CPA6: variants seen among roughly 807,000 people sequenced by gnomAD.
The protein encoded by CPA6 is carboxypeptidase A6, also known as carboxypeptidase B.
A neutral mutation model predicts 63.3 loss-of-function variants in CPA6; 58 were observed. The observed-to-expected ratio is 0.92, with a 90% CI of 0.74 to 1.14. The LOEUF is 1.14. CPA6 is among the 50% of genes most tolerant of loss of function. The probability of loss-of-function intolerance (pLI) is 0.00; values close to 1 mark genes in which losing one functional copy is unlikely to be tolerated. For synonymous variants in CPA6, 185 were observed against 179.0 expected (o/e 1.03, Z -0.27); for missense variants, 565 against 526.6 (o/e 1.07, Z -0.71).
chr8:67,471,331 T>C (rs1049241879), intron 8 of CPA6, among the ~76,000 whole-genome samples: 16 of 152,242 alleles, frequency 1.1e-4, no homozygotes, highest in African/African-American at 3.4e-4. Context: ...TGACTTTCTT[T>C]GTTTTCTTCA....
intron 1 of CPA6, among the ~76,000 whole-genome samples, chr8:67,643,920 A>G (rs1815652678): frequency 6.6e-6 from 1 of 152,162 alleles, no homozygotes; most frequent in African/African-American, 2.4e-5. Context: ...AAAAAAATAG[A>G]CACTGGCTTG....
chr8:67,728,255 T>A (rs1358451804), intron 1 of CPA6, among the ~76,000 whole-genome samples: 1 of 152,194 alleles, frequency 6.6e-6, no homozygotes, highest in Non-Finnish European at 1.5e-5. Context: ...ACCTCTCCTC[T>A]ATGAAGAAGA....
At chr8:67,475,889 T>TCTC (rs1449567487) in intron 8 of CPA6, among the ~76,000 whole-genome samples, 300 of 54,202 alleles carry the variant, frequency 5.5e-3, no homozygotes, top group Middle Eastern at 0.02. Context: ...CTCCTTTCTT[T>TCTC]CTTTCTTTCT....
At chr8:67,463,620 C>T (rs1351883563) in intron 8 of CPA6, among the ~76,000 whole-genome samples, 2 of 152,074 alleles carry the variant, frequency 1.3e-5, no homozygotes, top group Non-Finnish European at 2.9e-5. Context: ...GATACCGTCC[C>T]CCACATACTG....
chr8:67,466,013 A>G (rs1810916592), intron 8 of CPA6, among the ~76,000 whole-genome samples: 1 of 149,796 alleles, frequency 6.7e-6, no homozygotes, highest in African/African-American at 2.5e-5. Flanking sequence ...TTTTTGGAAT[A>G]GTTTCAGTAG....
intron 1 of CPA6, among the ~76,000 whole-genome samples, chr8:67,726,453 T>C (rs193114859): frequency 3.9e-5 from 6 of 152,252 alleles, no homozygotes; most frequent in Non-Finnish European, 7.3e-5. Context: ...ATTGTAGTTT[T>C]AAAAAGTAAT....
chr8:67,426,651 T>A (rs1393859470), intron 10 of CPA6, among the ~76,000 whole-genome samples: 2 of 152,178 alleles, frequency 1.3e-5, no homozygotes, highest in Non-Finnish European at 2.9e-5. Context: ...ACATTAGGAA[T>A]ACAATGATAG....
At chr8:67,438,067 G>A (rs916512481) in intron 8 of CPA6, among the ~76,000 whole-genome samples, 2 of 152,000 alleles carry the variant, frequency 1.3e-5, no homozygotes, top group Non-Finnish European at 2.9e-5. Flanking sequence ...CAGGCACCCT[G>A]CCACCACACC....
At chr8:67,617,002 C>T (rs778630658) in intron 2 of CPA6, among the ~76,000 whole-genome samples, 1 of 152,140 alleles carries the variant, frequency 6.6e-6, no homozygotes, top group Non-Finnish European at 1.5e-5. Flanking sequence ...ATACTACATC[C>T]GGCAAGAGCA....
chr8:67,496,115 A>G (rs1811705062), intron 6 of CPA6, among the ~76,000 whole-genome samples: 1 of 152,016 alleles, frequency 6.6e-6, no homozygotes, highest in Non-Finnish European at 1.5e-5. Context: ...GCTTCCCCAA[A>G]CCTTGTCTTT....
intron 1 of CPA6, among the ~76,000 whole-genome samples, chr8:67,717,042 G>C (rs1054750167): frequency 2.0e-5 from 3 of 152,140 alleles, no homozygotes; most frequent in Non-Finnish European, 1.5e-5. Flanking sequence ...AACAATAACA[G>C]AATTAAGAGA....
At chr8:67,592,935 T>C (rs954193389) in intron 2 of CPA6, among the ~76,000 whole-genome samples, 2 of 151,772 alleles carry the variant, frequency 1.3e-5, no homozygotes, top group African/African-American at 2.4e-5. Flanking sequence ...AGCTTTTGAA[T>C]GTGTTTGCTC....
At chr8:67,740,148 G>A (rs1395206388) in intron 1 of CPA6, among the ~76,000 whole-genome samples, 1 of 152,224 alleles carries the variant, frequency 6.6e-6, no homozygotes, top group Non-Finnish European at 1.5e-5. Context: ...CAGTTGGGAA[G>A]GAGGCACTGC....
At chr8:67,710,399 C>CA in intron 1 of CPA6, among the ~76,000 whole-genome samples, 1 of 128,476 alleles carries the variant, frequency 7.8e-6, no homozygotes, top group South Asian at 2.8e-4. Flanking sequence ...AATTTCCCGC[C>CA]CCCACCCCCC....
intron 1 of CPA6, among the ~76,000 whole-genome samples, chr8:67,684,122 A>G (rs1327783396): frequency 6.7e-6 from 1 of 149,536 alleles, no homozygotes. Flanking sequence ...CCTGGCCTCA[A>G]GTGAAACTCC....
chr8:67,524,870 T>G (rs1812330195), intron 2 of CPA6, among the ~76,000 whole-genome samples: 1 of 152,148 alleles, frequency 6.6e-6, no homozygotes, highest in Admixed American at 6.5e-5. Context: ...CCACTTGAAT[T>G]TTGTCCACTC....
At chr8:67,464,740 A>C (rs1196232181) in intron 8 of CPA6, among the ~76,000 whole-genome samples, 1 of 152,168 alleles carries the variant, frequency 6.6e-6, no homozygotes, top group Non-Finnish European at 1.5e-5. Context: ...CTAGCCAGCT[A>C]TCTCAGCATC....
chr8:67,621,719 C>T (rs1034439017), intron 2 of CPA6, among the ~76,000 whole-genome samples: 2 of 151,960 alleles, frequency 1.3e-5, no homozygotes, highest in African/African-American at 2.4e-5. Flanking sequence ...AGCTGATATC[C>T]TAATATTAAG....
chr8:67,680,171 T>G (rs1256289090), intron 1 of CPA6, among the ~76,000 whole-genome samples: 1 of 152,222 alleles, frequency 6.6e-6, no homozygotes, highest in Admixed American at 6.5e-5. Context: ...TAAACATTTA[T>G]TGAGTGCTTA....
Sources: gnomAD v4.1 joint callset for allele counts (sites outside exome capture counted in the v4.1 genomes callset) on GRCh38, gnomAD v4.1.1 for gene constraint, MANE v1.5 for transcripts, NCBI Gene and HGNC (gene_info 2026-07-23, HGNC 2026-07-21) for gene names.